RABEPK: variants seen among roughly 807,000 people sequenced by gnomAD.
RABEPK encodes Rab9 effector protein with kelch motifs.
RABEPK carries 27 observed loss-of-function variants against 34.1 expected under a neutral mutation model. The observed-to-expected ratio is 0.79, with a 90% CI of 0.58 to 1.09. The LOEUF is 1.09. Ranked by LOEUF, RABEPK falls within the 50% of genes least tolerant of loss-of-function variation. The pLI, the probability that RABEPK is intolerant of heterozygous loss-of-function variation, is 0.00. For synonymous variants in RABEPK, 172 were observed against 169.2 expected (o/e 1.02, Z -0.13); for missense variants, 449 against 462.6 (o/e 0.97, Z 0.27).
At chr9:125,222,142 C>T (rs1252256622) in intron 5 of RABEPK, 1 of 148,270 alleles carries the variant, frequency 6.7e-6, no homozygotes, top group African/African-American at 2.5e-5. Context: ...TAAGAGATAG[C>T]ACATTCCCAA....
intron 5 of RABEPK, among the ~76,000 whole-genome samples, chr9:125,224,483 C>T (rs1831592755): frequency 6.9e-6 from 1 of 143,946 alleles, no homozygotes; most frequent in East Asian, 2.0e-4. Flanking sequence ...GATGAAGTCA[C>T]GCTCTGTTGC....
intron 5 of RABEPK, 42 bp from the exon 6 acceptor site, chr9:125,227,868 T>G (rs1260924666): frequency 6.7e-7 from 1 of 1,499,116 alleles, no homozygotes; most frequent in African/African-American, 1.4e-5. Context: ...TGTTCTTTTT[T>G]AATAGTTTTG....
intron 6 of RABEPK, among the ~76,000 whole-genome samples, chr9:125,228,264 A>G (rs995373695): frequency 2.0e-5 from 3 of 152,026 alleles, no homozygotes; most frequent in Non-Finnish European, 4.4e-5. Context: ...CTTGGCTAAT[A>G]TAAAATTTTA....
At position 125,233,990 on chromosome 9, in the gene RABEPK, C is replaced by T. The variant is rs1312482558; in HGVS notation, c.*10C>T. 2 of 1,571,810 alleles carry T rather than the reference C, an allele frequency of 1.3e-6. No homozygotes were observed. The highest frequency in any genetic ancestry group is 1.7e-6 in the Non-Finnish European group (2 of 1,147,618). On this transcript the variant is annotated 3_prime_UTR_variant, in exon 8 of 8. Coordinates refer to ENST00000373538, the MANE Select transcript of RABEPK (RefSeq NM_005833.4). ...GACTGTAGTGGACTAATAAAACCCA[C>T]ATTTTTATTACCTGTCAGTTACTTT...
chr9:125,232,816 G>A (rs914849432), intron 7 of RABEPK, 71 bp downstream of exon 7: 14 of 1,484,646 alleles, frequency 9.4e-6, no homozygotes, highest in Admixed American at 7.7e-5. Flanking sequence ...GGTGGCTCAC[G>A]CCTGTAATCC....
In RABEPK at chr9:125,233,824, T is replaced by C; in HGVS notation, c.963T>C (p.His321=). ...KEDSNSLTLN[H]EAEKEDSADK... is the part of the protein sequence containing the mutation. ...ATTCCAACTCTCTCACTCTGAACCA[T>C]GAAGCTGAGAAAGAGGATTCAGCTG... The change falls in exon 8 of 8, where the codon CAT becomes CAC. Residue 321 remains histidine (H), a synonymous_variant. Coordinates refer to ENST00000373538, the MANE Select transcript of RABEPK (RefSeq NM_005833.4). The C allele has an allele frequency of 6.2e-7, 1 of 1,614,132 alleles. No homozygotes were observed. Among genetic ancestry groups the C allele is most frequent in the East Asian group, 2.2e-5 (1 of 44,880 alleles).
rs1832420873 is a variant in RABEPK, at chr9:125,234,074, ATATC to A, written c.*96_*99del. Reference sequence around the variant, plus strand: ...ACCTCCAAAATATCTTCTGCATTATATATCTGTTTTTCTCCTACTTTGGTAGGTG... The same window carrying A: ...ACCTCCAAAATATCTTCTGCATTATATGTTTTTCTCCTACTTTGGTAGGTG... On this transcript the variant is annotated 3_prime_UTR_variant, in exon 8 of 8. Transcript: ENST00000373538. The A allele has an allele frequency of 1.6e-6, 2 of 1,267,804 alleles. No individual in the cohort carries two copies. Among genetic ancestry groups the A allele is most frequent in the Non-Finnish European group, 1.1e-6 (1 of 907,030 alleles). The allele number at this position is 1,267,804 out of a possible 1,614,324, so 78.5% of individuals were successfully genotyped here.
At chr9:125,203,612 G>T (rs538935352) in intron 2 of RABEPK, among the ~76,000 whole-genome samples, 45 of 152,272 alleles carry the variant, frequency 3.0e-4, no homozygotes, top group Non-Finnish European at 5.9e-4. Flanking sequence ...TCTTCAACAG[G>T]ACCTTGAAGG....
At chr9:125,228,729 T>C (rs1457069911) in intron 6 of RABEPK, among the ~76,000 whole-genome samples, 2 of 145,348 alleles carry the variant, frequency 1.4e-5, no homozygotes, top group Non-Finnish European at 3.0e-5. Flanking sequence ...TTTGGGAGGC[T>C]GAGGCTGGGG....
At chr9:125,213,301 T>C (rs199604172) in intron 3 of RABEPK, 69 bp from the exon 4 acceptor site, 5 of 1,498,086 alleles carry the variant, frequency 3.3e-6, no homozygotes, top group Non-Finnish European at 4.5e-6. Context: ...CTCATGACCC[T>C]CCTCAAGTGT....
intron 4 of RABEPK, among the ~76,000 whole-genome samples, chr9:125,214,046 C>G (rs1291924199): frequency 6.6e-6 from 1 of 151,664 alleles, no homozygotes; most frequent in Non-Finnish European, 1.5e-5. Flanking sequence ...CGCTTGAACC[C>G]GGGAGGCGGA....
chr9:125,230,665 A>G (rs1832103578), intron 6 of RABEPK, among the ~76,000 whole-genome samples: 1 of 151,088 alleles, frequency 6.6e-6, no homozygotes, highest in Non-Finnish European at 1.5e-5. Flanking sequence ...CCTCCTGAGT[A>G]GTTGGGACTA....
chr9:125,207,537 C>T (rs1830300216), intron 2 of RABEPK, 27 bp from the exon 3 acceptor site: 1 of 1,608,450 alleles, frequency 6.2e-7, no homozygotes, highest in Non-Finnish European at 8.5e-7. Flanking sequence ...CTGCTCAGGC[C>T]TCCTGAATAC....
intron 2 of RABEPK, among the ~76,000 whole-genome samples, chr9:125,203,743 G>C (rs1034632856): frequency 1.3e-5 from 2 of 152,108 alleles, no homozygotes; most frequent in African/African-American, 2.4e-5. Context: ...ATAAAAATCA[G>C]ACTCCTGGGC....
intron 3 of RABEPK, among the ~76,000 whole-genome samples, chr9:125,211,236 C>CAA (rs201121898): frequency 6.9e-6 from 1 of 144,008 alleles, no homozygotes; most frequent in Non-Finnish European, 1.5e-5. Flanking sequence ...GACGCCATCT[C>CAA]AAAAAAAAAA....
intron 1 of RABEPK, among the ~76,000 whole-genome samples, 170 bp from the exon 2 acceptor site, chr9:125,202,830 CAAATAAAT>C (rs199722623): frequency 1.7e-4 from 26 of 151,338 alleles, no homozygotes; most frequent in African/African-American, 5.3e-4. Flanking sequence ...AACTCCATCT[CAAATAAAT>C]AAATAAATAA....
chr9:125,219,436 C>T (rs1444790361), intron 4 of RABEPK, among the ~76,000 whole-genome samples: 1 of 151,880 alleles, frequency 6.6e-6, no homozygotes, highest in Non-Finnish European at 1.5e-5. Context: ...GCTTTGTCAA[C>T]CAGGCTGGAG....
intron 2 of RABEPK, 99 bp downstream of exon 2, chr9:125,203,165 A>G: frequency 9.7e-7 from 1 of 1,026,416 alleles, no homozygotes; most frequent in Non-Finnish European, 1.5e-6. Context: ...AGGGGTAGAG[A>G]TGAAACTGTC....
At chr9:125,205,639 G>A (rs1830176942) in intron 2 of RABEPK, among the ~76,000 whole-genome samples, 1 of 152,134 alleles carries the variant, frequency 6.6e-6, no homozygotes, top group Admixed American at 6.5e-5. Flanking sequence ...ATAGGTGCAT[G>A]CCACCACACC....
Sources: gnomAD v4.1 joint callset for allele counts (sites outside exome capture counted in the v4.1 genomes callset) on GRCh38, gnomAD v4.1.1 for gene constraint, MANE v1.5 for transcripts, NCBI Gene and HGNC (gene_info 2026-07-23, HGNC 2026-07-21) for gene names.